GGT1: variants seen among roughly 807,000 people sequenced by gnomAD.
The protein encoded by GGT1 is gamma-glutamyltransferase 1.
A neutral mutation model predicts 56.0 loss-of-function variants in GGT1; 21 were observed. The ratio of observed to expected loss-of-function variants is 0.38; its 90% CI spans 0.27 to 0.54. The LOEUF is 0.54. Ranked by LOEUF, GGT1 falls within the 20% of genes least tolerant of loss-of-function variation. The probability of loss-of-function intolerance (pLI) is 0.82; values close to 1 mark genes in which losing one functional copy is unlikely to be tolerated. For synonymous variants in GGT1, 238 were observed against 342.6 expected (o/e 0.69, Z 3.37); for missense variants, 466 against 787.0 (o/e 0.59, Z 4.88).
At chr22:24,605,670 TTA>T (rs2046164528) in intron 1 of GGT1, among the ~76,000 whole-genome samples, 2 of 42,350 alleles carry the variant, frequency 4.7e-5, no homozygotes, top group Non-Finnish European at 7.2e-5. Flanking sequence ...TATTATATAT[TTA>T]ATATTATATA....
chr22:24,616,369 ATGCCAC>A (rs1354292391), intron 7 of GGT1, among the ~76,000 whole-genome samples: 1 of 150,002 alleles, frequency 6.7e-6, no homozygotes, highest in Non-Finnish European at 1.5e-5. Context: ...AGCCGAGATC[ATGCCAC>A]TGCACTCCAG....
chr22:24,601,880 A>G (rs1281975852), upstream of GGT1, among the ~76,000 whole-genome samples: 1 of 152,146 alleles, frequency 6.6e-6, no homozygotes, highest in Non-Finnish European at 1.5e-5. Context: ...GCCAGCCTCT[A>G]CCTAGCACCC....
chr22:24,603,639 G>C (rs189112970), intron 1 of GGT1, 112 bp downstream of exon 1: 1 of 152,340 alleles, frequency 6.6e-6, no homozygotes, highest in Non-Finnish European at 1.5e-5. Context: ...GTGAAGGAGG[G>C]CTGGGGGGAG....
Position 24,620,785 on chromosome 22 carries a change from G to T in GGT1, c.576-128G>T. On this transcript the variant is annotated intron_variant, in intron 8 of 15. Coordinates refer to ENST00000400382, the MANE Select transcript of GGT1 (RefSeq NM_001288833.2). The surrounding 1 kb of genome is among the most constrained non-coding windows in gnomAD (Gnocchi z 5.6). ...GACACTAGGAAGACGAGCGCTGAGT[G>T]ACAGGGCCACCCACCTGTGACAGGC... 1 of 1,463,502 alleles carries T rather than the reference G, an allele frequency of 6.8e-7. No homozygotes were observed. Among genetic ancestry groups the T allele is most frequent in the Non-Finnish European group, 9.1e-7 (1 of 1,099,102 alleles). The allele number at this position is 1,463,502 out of a possible 1,614,324, so 90.7% of individuals were successfully genotyped here.
chr22:24,626,214 G>A (rs373675697), intron 11 of GGT1, among the ~76,000 whole-genome samples: 5 of 148,666 alleles, frequency 3.4e-5, no homozygotes, highest in East Asian at 3.9e-4. Context: ...GGATGGTCTC[G>A]ATCTCCTGAC....
At position 24,597,070 on chromosome 22, in the gene GGT1, C is replaced by T. The variant is rs971137509; in HGVS notation, c.-324+2184C>T. On this transcript the variant is annotated intron_variant, in intron 1 of 6. Coordinates refer to the GGT1 transcript ENST00000411974. ...TGATCTTGGCTCACTGCAACCTCCACCTCCCAGGTTCAAGCGATTCTCCTG... is the reference window on the plus strand; with the variant it reads ...TGATCTTGGCTCACTGCAACCTCCATCTCCCAGGTTCAAGCGATTCTCCTG... Among the ~76,000 whole-genome samples the T allele has an allele frequency of 2.0e-5, 3 of 151,386 alleles. No individual in the cohort carries two copies. The East Asian group carries it at 5.9e-4, about 30-fold the overall frequency.
the GGT1 span, chr22:24,588,189 G>A: frequency 1.9e-6 from 3 of 1,550,556 alleles, no homozygotes; most frequent in African/African-American, 4.1e-5. Flanking sequence ...GCAGTGAGGA[G>A]GGGCAGTGGC....
intron 2 of GGT1, chr22:24,609,133 A>C (rs894315519): frequency 1.3e-5 from 2 of 152,262 alleles, no homozygotes; most frequent in African/African-American, 4.8e-5. Context: ...GGCCTGGTGA[A>C]GGGTGTGAGC....
At chr22:24,622,034 C>T (rs1201586483) in intron 9 of GGT1, among the ~76,000 whole-genome samples, 1 of 138,490 alleles carries the variant, frequency 7.2e-6, no homozygotes, top group Non-Finnish European at 1.5e-5. Context: ...AGTGAGATTC[C>T]ATCTCAAAAA....
intron 5 of GGT1, 121 bp from the exon 6 acceptor site, chr22:24,614,655 A>G (rs1450615754): frequency 1.1e-6 from 1 of 883,484 alleles, no homozygotes; most frequent in Admixed American, 2.4e-5. Flanking sequence ...TAAAAACAAA[A>G]ACCCCAAAAC....
the GGT1 span, chr22:24,588,256 T>C: frequency 6.2e-7 from 1 of 1,613,592 alleles, no homozygotes; most frequent in Non-Finnish European, 8.5e-7. Flanking sequence ...CCCTTGCTGC[T>C]GCTTCGAGTG....
intron 7 of GGT1, 116 bp downstream of exon 7, chr22:24,615,243 C>T: frequency 1.4e-6 from 1 of 695,668 alleles, no homozygotes; most frequent in Non-Finnish European, 2.5e-6. Flanking sequence ...TGTCACCCCC[C>T]ATCCCTTCCT....
At chr22:24,588,307 G>A in the GGT1 span, 765 of 1,613,200 alleles carry the variant, frequency 4.7e-4, 4 homozygotes, top group African/African-American at 3.3e-3. Flanking sequence ...GATCTTGTCC[G>A]AGGACTTCCA....
At chr22:24,618,917 A>T (rs1326462322) in intron 7 of GGT1, among the ~76,000 whole-genome samples, 4 of 152,114 alleles carry the variant, frequency 2.6e-5, no homozygotes, top group African/African-American at 7.2e-5. Flanking sequence ...TCAGGGGGGA[A>T]GCAGGCCCAG....
chr22:24,613,863 A>G (rs2046872729), intron 5 of GGT1, among the ~76,000 whole-genome samples: 1 of 152,196 alleles, frequency 6.6e-6, no homozygotes, highest in African/African-American at 2.4e-5. Context: ...CAGCTTGGGC[A>G]ACATAGAAAG....
chr22:24,590,728 T>G (rs1263128901), upstream of GGT1, among the ~76,000 whole-genome samples: 2 of 152,260 alleles, frequency 1.3e-5, no homozygotes, highest in East Asian at 3.9e-4. Flanking sequence ...GATCCTTCCC[T>G]TGGGGGCGGA....
At chr22:24,596,914 C>CAAAA (rs78452000) in intron 1 of GGT1, among the ~76,000 whole-genome samples, 1 of 63,022 alleles carries the variant, frequency 1.6e-5, no homozygotes, top group African/African-American at 6.1e-5. Flanking sequence ...GACTCTGTCT[C>CAAAA]AAAAAAAAAA....
Position 24,607,962 on chromosome 22 carries a change from G to T in GGT1, c.-420G>T, listed in dbSNP as rs767183312. Reference sequence around the variant, plus strand: ...TGTCTCTTCCTCCCCAGCGGGTGCAGCCCAGAACTGTCTTCTGAGGAAGAG... The same window carrying T: ...TGTCTCTTCCTCCCCAGCGGGTGCATCCCAGAACTGTCTTCTGAGGAAGAG... On this transcript the variant is annotated 5_prime_UTR_variant, in exon 2 of 16. Transcript: ENST00000400382. The T allele has an allele frequency of 1.5e-5, 7 of 468,538 alleles. No homozygotes were observed. Among genetic ancestry groups the T allele is most frequent in the Non-Finnish European group, 3.1e-5 (7 of 226,678 alleles). The allele number at this position is 468,538 out of a possible 1,614,324, so 29.0% of individuals were successfully genotyped here.
the GGT1 span, among the ~76,000 whole-genome samples, chr22:24,585,147 G>A: frequency 6.6e-6 from 1 of 152,164 alleles, no homozygotes; most frequent in Non-Finnish European, 1.5e-5. Context: ...AAGAGGCCTG[G>A]GGCTGGGTCC....
Sources: gnomAD v4.1 joint callset for allele counts (sites outside exome capture counted in the v4.1 genomes callset) on GRCh38, gnomAD v4.1.1 for gene constraint, Gnocchi (gnomAD v3.1) non-coding constraint, MANE v1.5 for transcripts, NCBI Gene and HGNC (gene_info 2026-07-23, HGNC 2026-07-21) for gene names.